LDB2: variants seen among roughly 807,000 people sequenced by gnomAD.
LDB2 encodes LIM domain-binding protein 2.
In LDB2, 12 loss-of-function variants were observed where a neutral mutation model predicts 44.3. That is an observed-to-expected ratio of 0.27 (90% confidence interval 0.17 to 0.44). The LOEUF (loss-of-function observed/expected upper bound fraction) is 0.44, where lower values mean the gene tolerates loss of function less well. Ranked by LOEUF, LDB2 falls within the 20% of genes least tolerant of loss-of-function variation. The probability of loss-of-function intolerance (pLI) is 1.00; values close to 1 mark genes in which losing one functional copy is unlikely to be tolerated. For missense variants in LDB2, 344 were observed against 473.5 expected, an observed-to-expected ratio of 0.73 and a Z score of 2.54; for synonymous variants, 164 against 174.8, an observed-to-expected ratio of 0.94 and a Z score of 0.49.
At chr4:16,891,258 T>C (rs939016406) in intron 1 of LDB2, among the ~76,000 whole-genome samples, 2 of 148,810 alleles carry the variant, frequency 1.3e-5, no homozygotes, top group African/African-American at 4.9e-5. Context: ...TTATATTCTA[T>C]AACAGTTTCA....
intron 2 of LDB2, among the ~76,000 whole-genome samples, chr4:16,628,409 G>A (rs1730894307): frequency 6.6e-6 from 1 of 152,142 alleles, no homozygotes; most frequent in South Asian, 2.1e-4. Context: ...AGCTCCTACA[G>A]AGGGCCCTGG....
chr4:16,721,256 T>A (rs923100707), intron 2 of LDB2, among the ~76,000 whole-genome samples: 1 of 152,156 alleles, frequency 6.6e-6, no homozygotes, highest in Admixed American at 6.6e-5. Context: ...ACACAATACA[T>A]GCAAGTTAAA....
intron 2 of LDB2, among the ~76,000 whole-genome samples, chr4:16,597,462 G>A (rs1020664944): frequency 6.6e-6 from 1 of 152,112 alleles, no homozygotes; most frequent in Admixed American, 6.6e-5. Flanking sequence ...CAAATGCATA[G>A]CTAATATTAT....
intron 7 of LDB2, among the ~76,000 whole-genome samples, chr4:16,505,650 G>A (rs1254933462): frequency 6.6e-6 from 1 of 150,716 alleles, no homozygotes; most frequent in Non-Finnish European, 1.5e-5. Context: ...CATTGGCAGT[G>A]AGAGTACATT....
intron 2 of LDB2, among the ~76,000 whole-genome samples, chr4:16,672,002 T>G (rs2152558045): frequency 6.6e-6 from 1 of 152,344 alleles, no homozygotes; most frequent in African/African-American, 2.4e-5. Flanking sequence ...CTCCTGGCTC[T>G]CTGGAGAGGT....
intron 2 of LDB2, among the ~76,000 whole-genome samples, chr4:16,737,842 T>A (rs1204459913): frequency 6.6e-6 from 1 of 152,244 alleles, no homozygotes; most frequent in Non-Finnish European, 1.5e-5. Context: ...CTTTTGTTTT[T>A]CTGTGTTTTA....
intron 1 of LDB2, among the ~76,000 whole-genome samples, chr4:16,867,687 G>A (rs994178517): frequency 5.9e-5 from 9 of 152,126 alleles, no homozygotes; most frequent in African/African-American, 1.9e-4. Context: ...GTAATTCATC[G>A]GCAAAAGATG....
rs1561055784 is a variant in LDB2 at position 16,739,670 on chromosome 4, ACATATGTGTG to A, written c.235+19478_235+19487del. Among the ~76,000 whole-genome samples the A allele has an allele frequency of 6.1e-4, 48 of 78,820 alleles. 5 individuals are homozygous for A. The highest frequency in any genetic ancestry group is 2.4e-3 in the African/African-American group (46 of 18,926). The allele number at this position is 78,820 out of a possible 152,430, so 51.7% of individuals were successfully genotyped here. On this transcript the variant is annotated intron_variant, in intron 2 of 7. Transcript: ENST00000304523. The stretch of plus-strand genomic sequence containing the variant: ...CATATGTGTGTATATATGTATATAT[ACATATGTGTG>A]TATATATGTATATATACATATATGT...
chr4:16,724,692 A>T (rs2152687745), intron 2 of LDB2, among the ~76,000 whole-genome samples: 1 of 152,292 alleles, frequency 6.6e-6, no homozygotes, highest in African/African-American at 2.4e-5. Flanking sequence ...CTCATTGATT[A>T]GCAAGCCCAA....
chr4:16,735,822 G>A lies in LDB2; in HGVS notation c.235+23336C>T, dbSNP rs149252637. Reference sequence around the variant, plus strand: ...TTGCCTGAACAGTACTTTTCAAGATGGATGAGATAGTGAAAAATAAAGACT... The same window carrying A: ...TTGCCTGAACAGTACTTTTCAAGATAGATGAGATAGTGAAAAATAAAGACT... On this transcript the variant is annotated intron_variant, in intron 2 of 7. Coordinates refer to ENST00000304523, the MANE Select transcript of LDB2 (RefSeq NM_001290.5). Among the ~76,000 whole-genome samples, 61 of 152,290 alleles carry A rather than the reference G, an allele frequency of 4.0e-4. No individual in the cohort carries two copies. In the East Asian group the frequency reaches 9.9e-3, roughly 25 times the overall value.
At position 16,755,979 on chromosome 4, in the gene LDB2, T is replaced by C. The variant is rs115119875; in HGVS notation, c.235+3179A>G. On this transcript the variant is annotated intron_variant, in intron 2 of 7. Coordinates refer to ENST00000304523, the MANE Select transcript of LDB2 (RefSeq NM_001290.5). ...TCCACCTGCCCAATCATATCTCACC[T>C]GGGCGGACACACCCCCATCAGGGGA... Among the ~76,000 whole-genome samples the C allele has an allele frequency of 4.3e-3, 651 of 152,290 alleles. 8 individuals carry two copies. Among genetic ancestry groups the C allele is most frequent in the African/African-American group, 0.015 (611 of 41,574 alleles).
At chr4:16,876,855 C>A (rs1718541026) in intron 1 of LDB2, among the ~76,000 whole-genome samples, 1 of 151,820 alleles carries the variant, frequency 6.6e-6, no homozygotes, top group Non-Finnish European at 1.5e-5. Flanking sequence ...ATTGTATAAA[C>A]CTTTAACCAT....
At chr4:16,818,744 G>A (rs982105538) in intron 1 of LDB2, among the ~76,000 whole-genome samples, 7 of 152,168 alleles carry the variant, frequency 4.6e-5, no homozygotes, top group Non-Finnish European at 8.8e-5. Context: ...CTCCAAGAAG[G>A]AAGTTGTATA....
intron 1 of LDB2, among the ~76,000 whole-genome samples, chr4:16,771,849 T>C (rs1481927866): frequency 6.6e-6 from 1 of 152,244 alleles, no homozygotes; most frequent in Non-Finnish European, 1.5e-5. Flanking sequence ...CTGTAACCTG[T>C]GCTCTGCAAA....
At chr4:16,534,762 G>C (rs1398841088) in intron 5 of LDB2, among the ~76,000 whole-genome samples, 2 of 152,128 alleles carry the variant, frequency 1.3e-5, no homozygotes, top group East Asian at 3.9e-4. Flanking sequence ...GAAGTATTAG[G>C]ACAGATTCAG....
chr4:16,692,172 T>C (rs1196225741), intron 2 of LDB2, among the ~76,000 whole-genome samples: 1 of 152,130 alleles, frequency 6.6e-6, no homozygotes, highest in Non-Finnish European at 1.5e-5. Flanking sequence ...GAGAATCATG[T>C]GAGTATTAGG....
At chr4:16,664,599 C>A (rs1468552249) in intron 2 of LDB2, among the ~76,000 whole-genome samples, 2 of 152,060 alleles carry the variant, frequency 1.3e-5, no homozygotes, top group South Asian at 2.1e-4. Context: ...GTTTTTAAAT[C>A]AAAAAAGACC....
At chr4:16,807,718 A>G (rs1779047010) in intron 1 of LDB2, among the ~76,000 whole-genome samples, 1 of 152,214 alleles carries the variant, frequency 6.6e-6, no homozygotes, top group African/African-American at 2.4e-5. Context: ...AACATTGTAT[A>G]TGGAGAAGCT....
At chr4:16,769,484 A>G (rs1424334798) in intron 1 of LDB2, among the ~76,000 whole-genome samples, 5 of 151,560 alleles carry the variant, frequency 3.3e-5, no homozygotes, top group Non-Finnish European at 5.9e-5. Context: ...TTTAGTAGAA[A>G]CGGGTTTCAC....
Sources: allele counts gnomAD v4.1 joint callset (sites outside exome capture counted in the v4.1 genomes callset), GRCh38; gene constraint gnomAD v4.1.1; transcripts MANE v1.5; gene names NCBI Gene and HGNC (gene_info 2026-07-23, HGNC 2026-07-21).